CRYM: variants seen among roughly 807,000 people sequenced by gnomAD.
CRYM encodes ketimine reductase mu-crystallin.
A neutral mutation model predicts 32.9 loss-of-function variants in CRYM; 18 were observed. That is an observed-to-expected ratio of 0.55 (90% CI 0.38 to 0.81). The LOEUF is 0.81. CRYM is among the 30% of genes least tolerant of loss of function. CRYM has a pLI of 0.00. For missense variants in CRYM, 337 were observed against 393.5 expected (o/e 0.86, Z 1.21); for synonymous variants, 153 against 152.4 (o/e 1.00, Z -0.03).
chr16:21,261,217 C>T, intron 7 of CRYM, 37 bp downstream of exon 7: 1 of 1,520,410 alleles, frequency 6.6e-7, no homozygotes. Context: ...GCCTTGTGCG[C>T]TAGTTGGATT....
chr16:21,298,658 A>G (rs768286607), intron 1 of CRYM, among the ~76,000 whole-genome samples: 1 of 152,248 alleles, frequency 6.6e-6, no homozygotes, highest in Non-Finnish European at 1.5e-5. Context: ...TCAAATAACA[A>G]TAAAAGCAAT....
At chr16:21,275,860 A>G (rs946116036) in intron 2 of CRYM, among the ~76,000 whole-genome samples, 2 of 152,202 alleles carry the variant, frequency 1.3e-5, no homozygotes, top group Non-Finnish European at 2.9e-5. Context: ...ATGCACTGGC[A>G]TATCTGGAAA....
intron 1 of CRYM, among the ~76,000 whole-genome samples, chr16:21,292,995 GATGA>G (rs1960699289): frequency 1.3e-5 from 2 of 151,676 alleles, no homozygotes; most frequent in Admixed American, 6.6e-5. Flanking sequence ...CGGATGGATG[GATGA>G]ATGAATAGAT....
At chr16:21,296,972 G>T (rs780237142) in intron 1 of CRYM, among the ~76,000 whole-genome samples, 2 of 151,946 alleles carry the variant, frequency 1.3e-5, no homozygotes, top group African/African-American at 4.8e-5. Context: ...TCGCGCCACC[G>T]ACTCCAGCCT....
At chr16:21,281,708 C>T (rs1020693779), upstream of CRYM, among the ~76,000 whole-genome samples, 1 of 152,332 alleles carries the variant, frequency 6.6e-6, no homozygotes, top group Non-Finnish European at 1.5e-5. Context: ...AGAGGTTGCA[C>T]ACTTGCATGC....
intron 1 of CRYM, chr16:21,283,399 T>C (rs1471953845): frequency 6.6e-6 from 1 of 152,228 alleles, no homozygotes; most frequent in East Asian, 1.9e-4. Flanking sequence ...CTTTTCCTTT[T>C]GCTGTAGATG....
upstream of CRYM, among the ~76,000 whole-genome samples, chr16:21,280,570 T>A (rs1344768064): frequency 6.6e-6 from 1 of 152,162 alleles, no homozygotes; most frequent in African/African-American, 2.4e-5. Context: ...TGAGCAGCCT[T>A]AATGTTAATA....
Position 21,270,004 on chromosome 16 carries a change from G to C in CRYM, c.388-113C>G, listed in dbSNP as rs183689712. 1.5e-5 allele frequency: 11 copies of C among 739,442 alleles called. No individual in the cohort carries two copies. In the African/African-American group the frequency reaches 1.7e-4, roughly 12 times the overall value. 45.8% of individuals were successfully genotyped at this position (739,442 alleles called of 1,614,324 possible). A position where few individuals can be genotyped will look rare whatever the true frequency, so the allele number is the denominator to read the frequency against. Reference sequence around the variant, plus strand: ...CTGCCCTCTCTTCTGCCTCCCTCAAGAGCTTGCAGGCAATCAAGAGAATTT... The same window carrying C: ...CTGCCCTCTCTTCTGCCTCCCTCAACAGCTTGCAGGCAATCAAGAGAATTT... On this transcript the variant is annotated intron_variant, in intron 3 of 7. Transcript: ENST00000572914.
At chr16:21,273,397 T>C (rs1404270223) in intron 3 of CRYM, among the ~76,000 whole-genome samples, 1 of 152,232 alleles carries the variant, frequency 6.6e-6, no homozygotes, top group African/African-American at 2.4e-5. Context: ...GCCTAAACTT[T>C]GAAGTGTCTA....
At chr16:21,292,636 C>T (rs1835126392) in intron 1 of CRYM, among the ~76,000 whole-genome samples, 1 of 152,000 alleles carries the variant, frequency 6.6e-6, no homozygotes, top group South Asian at 2.1e-4. Context: ...TTCTTAATTG[C>T]AAGATTTTGT....
chr16:21,300,730 C>T (rs1254019341), intron 1 of CRYM: 2 of 152,240 alleles, frequency 1.3e-5, no homozygotes, highest in Non-Finnish European at 2.9e-5. Flanking sequence ...TGCGCCCTCT[C>T]CTGACAAAGC....
At chr16:21,302,060 TC>T (rs1002923245) in intron 1 of CRYM, among the ~76,000 whole-genome samples, 1 of 151,956 alleles carries the variant, frequency 6.6e-6, no homozygotes, top group African/African-American at 2.4e-5. Context: ...GACTTCCTCA[TC>T]CCCCCGCCAA....
chr16:21,261,213 T>G, intron 7 of CRYM, 41 bp downstream of exon 7: 1 of 1,488,770 alleles, frequency 6.7e-7, no homozygotes, highest in Non-Finnish European at 9.4e-7. Context: ...ACCTGCCTTG[T>G]GCGCTAGTTG....
In CRYM at chr16:21,286,330, G is replaced by A. The variant is rs542332886; in HGVS notation, c.-192-7370C>T. Among the ~76,000 whole-genome samples the A allele has an allele frequency of 2.5e-4, 37 of 150,444 alleles. No individual in the cohort carries two copies. The South Asian group carries it at 5.2e-3, about 21-fold the overall frequency. On this transcript the variant is annotated intron_variant, in intron 1 of 9. Coordinates refer to the CRYM transcript ENST00000219599. ...CCTCCTGGGTTCAAGCAATTCTCTT[G>A]CCTCAGCCTCCCAAGTAGCTGGGAT...
At chr16:21,301,421 T>A (rs187766804) in intron 1 of CRYM, 6 of 122,914 alleles carry the variant, frequency 4.9e-5, no homozygotes, top group Non-Finnish European at 8.2e-5. Flanking sequence ...GGTGTGCGCA[T>A]GGGACGAGGT....
chr16:21,300,013 G>A (rs1199182040), intron 1 of CRYM: 1 of 152,216 alleles, frequency 6.6e-6, no homozygotes, highest in Non-Finnish European at 1.5e-5. Flanking sequence ...AACATTGCAT[G>A]TTAAGTAAGA....
chr16:21,283,543 C>G (rs1238380675), intron 1 of CRYM: 4 of 151,928 alleles, frequency 2.6e-5, no homozygotes, highest in Non-Finnish European at 5.9e-5. Flanking sequence ...GTCTCATTCC[C>G]CTTATCCCTA....
intron 1 of CRYM, among the ~76,000 whole-genome samples, chr16:21,290,526 C>A (rs1390262894): frequency 6.6e-6 from 1 of 152,170 alleles, no homozygotes; most frequent in African/African-American, 2.4e-5. Flanking sequence ...TTCTTGAAGT[C>A]AGCGAGACCA....
intron 6 of CRYM, chr16:21,261,640 A>G: frequency 2.0e-6 from 1 of 499,936 alleles, no homozygotes; most frequent in Non-Finnish European, 3.6e-6. Flanking sequence ...TTATCTGAAC[A>G]TGCATGCCAG....
Sources: gnomAD v4.1 joint callset for allele counts (sites outside exome capture counted in the v4.1 genomes callset) on GRCh38, gnomAD v4.1.1 for gene constraint, MANE v1.5 for transcripts, NCBI Gene and HGNC (gene_info 2026-07-23, HGNC 2026-07-21) for gene names.